DDAH1: variants seen among roughly 807,000 people sequenced by gnomAD.
DDAH1 encodes dimethylarginine dimethylaminohydrolase 1.
Under a neutral mutation model 28.8 loss-of-function variants are expected in DDAH1, and 19 were observed. The observed-to-expected ratio is 0.66, with a 90% CI of 0.46 to 0.97. The LOEUF is 0.97. DDAH1 is among the 50% of genes least tolerant of loss of function. The probability of loss-of-function intolerance (pLI) is 0.00; values close to 1 mark genes in which losing one functional copy is unlikely to be tolerated. For synonymous variants in DDAH1, 153 were observed against 154.4 expected (o/e 0.99, Z 0.07); for missense variants, 326 against 375.9 (o/e 0.87, Z 1.10).
At chr1:85,419,127 A>C (rs960344603) in intron 1 of DDAH1, among the ~76,000 whole-genome samples, 2 of 152,196 alleles carry the variant, frequency 1.3e-5, no homozygotes, top group Non-Finnish European at 2.9e-5. Context: ...CCTAGGAAAA[A>C]GCCATTAAAA....
intron 1 of DDAH1, chr1:85,380,433 A>T (rs1422327940): frequency 6.6e-6 from 1 of 152,176 alleles, no homozygotes; most frequent in East Asian, 1.9e-4. Context: ...AGGATGTACA[A>T]GCATCCCAAC....
At chr1:85,483,614 T>C (rs1656087262) in intron 2 of DDAH1, among the ~76,000 whole-genome samples, 1 of 152,238 alleles carries the variant, frequency 6.6e-6, no homozygotes, top group Admixed American at 6.5e-5. Context: ...TAATCAAATG[T>C]ACTAATATTT....
chr1:85,487,551 T>G (rs1222022238), intron 2 of DDAH1, among the ~76,000 whole-genome samples: 1 of 152,236 alleles, frequency 6.6e-6, no homozygotes, highest in East Asian at 1.9e-4. Context: ...TTTTTCCAAA[T>G]GAAATGTTTT....
intron 4 of DDAH1, among the ~76,000 whole-genome samples, chr1:85,338,543 C>T (rs1258609480): frequency 6.6e-6 from 1 of 152,164 alleles, no homozygotes; most frequent in East Asian, 1.9e-4. Flanking sequence ...CATGTAGGAA[C>T]TGACATCTGG....
At chr1:85,370,579 T>TA (rs1401901019) in intron 1 of DDAH1, among the ~76,000 whole-genome samples, 2 of 143,416 alleles carry the variant, frequency 1.4e-5, no homozygotes, top group Non-Finnish European at 3.0e-5. Context: ...GGAACTTAGT[T>TA]AAAAAGCAAC....
At chr1:85,377,837 G>T (rs1227086571) in intron 1 of DDAH1, among the ~76,000 whole-genome samples, 9 of 150,270 alleles carry the variant, frequency 6.0e-5, no homozygotes, top group African/African-American at 2.0e-4. Flanking sequence ...ATTAATATTT[G>T]AAGGCTGCCC....
chr1:85,576,709 C>T (rs71654711), intron 1 of DDAH1: 4,913 of 152,682 alleles, frequency 0.032, 99 homozygotes, highest in Middle Eastern at 0.058. Flanking sequence ...GAGGACTAGT[C>T]AACAGGGGGG....
chr1:85,460,978 A>C (rs550508327), intron 1 of DDAH1, among the ~76,000 whole-genome samples: 1 of 152,338 alleles, frequency 6.6e-6, no homozygotes, highest in South Asian at 2.1e-4. Context: ...GGCCAGGCAC[A>C]GTGGCTCGTG....
At chr1:85,566,093 C>A (rs1243141759) in intron 1 of DDAH1, among the ~76,000 whole-genome samples, 5 of 124,624 alleles carry the variant, frequency 4.0e-5, no homozygotes, top group Admixed American at 1.6e-4. Context: ...AAAAAAAAAA[C>A]AACCAAAAAA....
intron 1 of DDAH1, among the ~76,000 whole-genome samples, chr1:85,554,276 GTTTTTT>G (rs368410411): frequency 1.2e-4 from 13 of 110,716 alleles, no homozygotes; most frequent in African/African-American, 2.2e-4. Context: ...AATTGTAAGA[GTTTTTT>G]TTTTTTTTTT....
chr1:85,574,891 CTATA>C (rs66578208), intron 1 of DDAH1, among the ~76,000 whole-genome samples: 7 of 149,488 alleles, frequency 4.7e-5, no homozygotes, highest in South Asian at 2.1e-4. Flanking sequence ...CTCTCTCTCT[CTATA>C]TATATATATA....
chr1:85,345,378 C>G (rs1445442737), intron 4 of DDAH1, among the ~76,000 whole-genome samples: 1 of 150,264 alleles, frequency 6.7e-6, no homozygotes, highest in Non-Finnish European at 1.5e-5. Context: ...AGGTGAGATG[C>G]AAAGTTGGGA....
chr1:85,479,305 C>T (rs991688834), intron 2 of DDAH1, among the ~76,000 whole-genome samples: 3 of 151,150 alleles, frequency 2.0e-5, no homozygotes, highest in African/African-American at 4.9e-5. Context: ...TCCCGAGTAG[C>T]TGGGACTACA....
intron 1 of DDAH1, among the ~76,000 whole-genome samples, chr1:85,365,234 A>T (rs1650010912): frequency 6.6e-6 from 1 of 152,204 alleles, no homozygotes; most frequent in Non-Finnish European, 1.5e-5. Flanking sequence ...AGTTTGTGTT[A>T]TTCTTTCCTA....
intron 1 of DDAH1, among the ~76,000 whole-genome samples, chr1:85,503,044 C>T (rs1468835585): frequency 6.6e-6 from 1 of 151,906 alleles, no homozygotes; most frequent in Non-Finnish European, 1.5e-5. Flanking sequence ...TTGCTAAGAA[C>T]TTTTTATGTG....
chr1:85,464,918 G>A lies in DDAH1; in HGVS notation c.128C>T (p.Ala43Val), dbSNP rs1655290578. 6.4e-7 allele frequency: 1 copy of A among 1,556,190 alleles called. No homozygotes were observed. The highest frequency in any genetic ancestry group is 2.5e-5 in the East Asian group (1 of 39,980). Reference sequence around the variant, plus strand: ...CACGTAGAGCTGGTGCTGCCGTTCCGCGCGGGCGACGTCCACCTCCTCGCC... The same window carrying A: ...CACGTAGAGCTGGTGCTGCCGTTCCACGCGGGCGACGTCCACCTCCTCGCC... ...AKGEEVDVAR[A>V]ERQHQLYVGV... Residue 43 changes from alanine (A) to valine (V), a missense_variant, in exon 1 of 6, where the codon GCG becomes GTG. Coordinates refer to ENST00000284031, the MANE Select transcript of DDAH1 (RefSeq NM_012137.4). This position sits in a 1 kb window ranked among gnomAD's most constrained non-coding sequence, Gnocchi z 4.4.
rs1165338996 is a variant in DDAH1, at chr1:85,523,190, G to T, written c.-122-26909C>A. Among the ~76,000 whole-genome samples, 71 of 152,234 alleles carry T rather than the reference G, an allele frequency of 4.7e-4. 1 individual carries two copies. Among genetic ancestry groups the T allele is most frequent in the Admixed American group, 3.3e-3 (51 of 15,294 alleles). On this transcript the variant is annotated intron_variant, in intron 1 of 6. Coordinates refer to the DDAH1 transcript ENST00000426972. The stretch of plus-strand genomic sequence containing the variant: ...AGGAAAGTGGAAAATTCAAAGCTGA[G>T]GGAATACCTGGAAGAGATCAGAGTA...
intron 4 of DDAH1, among the ~76,000 whole-genome samples, chr1:85,334,018 C>A (rs1388802310): frequency 2.0e-5 from 3 of 152,190 alleles, no homozygotes; most frequent in Admixed American, 2.0e-4. Flanking sequence ...TATGTCCCCA[C>A]CCAATTCTCA....
chr1:85,419,417 G>A (rs987342156), intron 1 of DDAH1, among the ~76,000 whole-genome samples: 3 of 151,802 alleles, frequency 2.0e-5, no homozygotes, highest in African/African-American at 7.3e-5. Context: ...GCATGTGCCT[G>A]TAACCCCAGC....
Sources: gnomAD v4.1 joint callset for allele counts (sites outside exome capture counted in the v4.1 genomes callset) on GRCh38, gnomAD v4.1.1 for gene constraint, Gnocchi (gnomAD v3.1) non-coding constraint, MANE v1.5 for transcripts, NCBI Gene and HGNC (gene_info 2026-07-23, HGNC 2026-07-21) for gene names.